Variants in CAND2 observed in about 807,000 individuals in gnomAD.
CAND2 encodes the protein cullin-associated NEDD8-dissociated protein 2.
CAND2 carries 62 observed loss-of-function variants against 98.9 expected under a neutral mutation model. That is an observed-to-expected ratio of 0.63 (90% CI 0.51 to 0.77). CAND2 has a LOEUF of 0.77. CAND2 is among the 30% of genes least tolerant of loss of function. The pLI is 0.00. For missense variants in CAND2, 1,501 were observed against 1,655.2 expected (o/e 0.91, Z 1.62); for synonymous variants, 770 against 731.9 (o/e 1.05, Z -0.84).
In CAND2 at chr3:12,815,397, C is replaced by T; in HGVS notation, c.1263C>T (p.Thr421=). 1 of 1,613,494 alleles carries T rather than the reference C, an allele frequency of 6.2e-7. No homozygotes were observed. The change falls in exon 8 of 15, where the codon ACC becomes ACT. Residue 421 remains threonine, a synonymous_variant. Coordinates refer to ENST00000456430, the MANE Select transcript of CAND2 (RefSeq NM_001162499.2). The surrounding 1 kb of genome is among the most constrained non-coding windows in gnomAD (Gnocchi z 5.7). Reference sequence around the variant, plus strand: ...GGCTGGAGGCCATGGAGGAACCCACCCAGACCGGCAGCAACCTCCATATGC... The same window carrying T: ...GGCTGGAGGCCATGGAGGAACCCACTCAGACCGGCAGCAACCTCCATATGC... ...KGWLEAMEEP[T]QTGSNLHMLR...
intron 2 of CAND2, 138 bp from the exon 3 acceptor site, chr3:12,807,168 C>T (rs1404838450): frequency 9.6e-6 from 7 of 726,688 alleles, no homozygotes; most frequent in Admixed American, 9.4e-5. Flanking sequence ...CTCTTTCTGG[C>T]CAAACAGGGG....
intron 10 of CAND2, 59 bp from the exon 11 acceptor site, chr3:12,820,027 C>A (rs2061943633): frequency 1.5e-6 from 2 of 1,374,324 alleles, no homozygotes; most frequent in Admixed American, 1.7e-5. Context: ...ACCTTCTGAT[C>A]TGTGAGCCTC....
At chr3:12,811,825 G>A (rs1328043253) in intron 5 of CAND2, among the ~76,000 whole-genome samples, 1 of 152,074 alleles carries the variant, frequency 6.6e-6, no homozygotes, top group African/African-American at 2.4e-5. Flanking sequence ...CCCATGATCT[G>A]CCCGCCTCGG....
Position 12,816,883 on chromosome 3 carries a change from G to A in CAND2, c.1951G>A (p.Ala651Thr). ...PLQLDLQPIL[A>T]EALHILASFL... is the part of the protein sequence containing the mutation. Reference sequence around the variant, plus strand: ...ACAGCTTGACCTACAGCCCATCCTGGCCGAGGCACTGCACATTCTGGCCTC... The same window carrying A: ...ACAGCTTGACCTACAGCCCATCCTGACCGAGGCACTGCACATTCTGGCCTC... Residue 651 changes from alanine (A) to threonine (T), a missense_variant, in exon 10 of 15, where the codon GCC (alanine) becomes ACC (threonine). Around this residue, in one of 3 missense-constraint regions of CAND2, gnomAD observed 1,427 missense variants for 1,545.3 expected, o/e 0.92. Coordinates refer to ENST00000456430, the MANE Select transcript of CAND2 (RefSeq NM_001162499.2). 6.2e-7 allele frequency: 1 copy of A among 1,613,886 alleles called. No individual in the cohort carries two copies. The highest frequency in any genetic ancestry group is 8.5e-7 in the Non-Finnish European group (1 of 1,180,040).
intron 4 of CAND2, 136 bp from the exon 5 acceptor site, chr3:12,809,923 G>C (rs2124843580): frequency 1.1e-6 from 1 of 922,494 alleles, no homozygotes; most frequent in East Asian, 3.3e-5. Flanking sequence ...CACAGTTGCA[G>C]GGCACCTCTT....
At chr3:12,808,757 G>C (rs893205487) in intron 4 of CAND2, among the ~76,000 whole-genome samples, 3 of 152,184 alleles carry the variant, frequency 2.0e-5, no homozygotes, top group Admixed American at 6.5e-5. Context: ...AGTGCTGCTA[G>C]AGCTGAGCCT....
intron 11 of CAND2, among the ~76,000 whole-genome samples, chr3:12,824,578 G>A (rs1261971230): frequency 1.3e-5 from 2 of 152,158 alleles, no homozygotes; most frequent in Non-Finnish European, 2.9e-5. Flanking sequence ...TGGCAATTAA[G>A]TTTCAACATG....
rs150977676 is a variant in CAND2 at position 12,812,751 on chromosome 3, T to C, written c.758-239T>C. Among the ~76,000 whole-genome samples the C allele has an allele frequency of 7.3e-3, 1,118 of 152,352 alleles. 13 individuals are homozygous for C. The highest frequency in any genetic ancestry group is 0.025 in the African/African-American group (1,031 of 41,580). On this transcript the variant is annotated intron_variant, in intron 5 of 14. Transcript: ENST00000456430. ...CAAAATCTCTGCCCAGGAGGCACTG[T>C]TATCCTTGTTGTGAAGATTAGCTGA...
At chr3:12,813,160 G>A (rs557219655) in intron 6 of CAND2, 65 bp downstream of exon 6, 1 of 1,578,966 alleles carries the variant, frequency 6.3e-7, no homozygotes, top group East Asian at 2.3e-5. Context: ...GCCCAAAGCA[G>A]TAAAATTTCA....
intron 14 of CAND2, among the ~76,000 whole-genome samples, chr3:12,833,385 G>T (rs1425866964): frequency 1.3e-5 from 2 of 152,198 alleles, no homozygotes; most frequent in Non-Finnish European, 2.9e-5. Context: ...ATGGTGCTAA[G>T]AGCTGGTTTT....
Position 12,834,024 on chromosome 3 carries a change from G to A in CAND2, c.*42G>A. The A allele has an allele frequency of 6.5e-7, 1 of 1,547,944 alleles. No homozygotes were observed. Among genetic ancestry groups the A allele is most frequent in the Non-Finnish European group, 8.9e-7 (1 of 1,122,050 alleles). On this transcript the variant is annotated 3_prime_UTR_variant, in exon 15 of 15. Transcript: ENST00000456430. ...GTGGGCCCTCGCTTAAGAGAAAGGA[G>A]CCCACCCAAGTCCGAGGCCTCCCCA... is the stretch of plus-strand genomic sequence containing the variant.
intron 14 of CAND2, chr3:12,832,567 A>T (rs1015363706): frequency 1.3e-5 from 2 of 152,210 alleles, no homozygotes; most frequent in African/African-American, 4.8e-5. Context: ...GTAAATCCAC[A>T]CCCACAGTCC....
chr3:12,816,206 TCCCTCAG>T (rs1199681033), intron 9 of CAND2, among the ~76,000 whole-genome samples, 161 bp from the exon 10 acceptor site: 1 of 152,050 alleles, frequency 6.6e-6, no homozygotes, highest in African/African-American at 2.4e-5. Context: ...TGGACATGTT[TCCCTCAG>T]CCCTGGCCAC....
intron 1 of CAND2, among the ~76,000 whole-genome samples, chr3:12,799,534 A>G (rs1168003976): frequency 6.6e-6 from 1 of 152,118 alleles, no homozygotes; most frequent in Non-Finnish European, 1.5e-5. Context: ...GCTGAGGCAT[A>G]CTTCAGAAGA....
intron 14 of CAND2, among the ~76,000 whole-genome samples, chr3:12,833,108 A>G (rs1449756536): frequency 6.6e-6 from 1 of 152,240 alleles, no homozygotes; most frequent in African/African-American, 2.4e-5. Flanking sequence ...TCCAATGCCA[A>G]GCTGTTACCC....
chr3:12,829,030 C>T (rs1432240978), intron 13 of CAND2, among the ~76,000 whole-genome samples: 1 of 152,220 alleles, frequency 6.6e-6, no homozygotes, highest in Non-Finnish European at 1.5e-5. Flanking sequence ...TTCCGATATC[C>T]TTTGGAATCC....
At chr3:12,822,806 C>CA (rs1201288996) in intron 11 of CAND2, among the ~76,000 whole-genome samples, 1 of 152,180 alleles carries the variant, frequency 6.6e-6, no homozygotes, top group African/African-American at 2.4e-5. Flanking sequence ...GCCCTCTCAG[C>CA]AGACAGAACT....
At chr3:12,832,942 A>G (rs1430802604) in intron 14 of CAND2, among the ~76,000 whole-genome samples, 1 of 152,232 alleles carries the variant, frequency 6.6e-6, no homozygotes, top group African/African-American at 2.4e-5. Context: ...CAGGGGTTTC[A>G]GAGAAGGGAG....
chr3:12,824,500 G>A (rs1301342633), intron 11 of CAND2, among the ~76,000 whole-genome samples: 4 of 152,226 alleles, frequency 2.6e-5, no homozygotes, highest in Admixed American at 6.5e-5. Context: ...CACTCCTGTA[G>A]TGACGGCATT....
Sources: gnomAD v4.1 joint callset for allele counts (sites outside exome capture counted in the v4.1 genomes callset) on GRCh38, gnomAD v4.1.1 for gene constraint, gnomAD v4.1.1 regional missense constraint, Gnocchi (gnomAD v3.1) non-coding constraint, MANE v1.5 for transcripts, NCBI Gene and HGNC (gene_info 2026-07-23, HGNC 2026-07-21) for gene names.